ADGRV1: variants seen among roughly 807,000 people sequenced by gnomAD.
The protein encoded by ADGRV1 is G-protein coupled receptor 98.
A neutral mutation model predicts 596.2 loss-of-function variants in ADGRV1; 359 were observed. That is an observed-to-expected ratio of 0.60 (90% CI 0.55 to 0.66). ADGRV1 has a LOEUF of 0.66. ADGRV1 is among the 30% of genes least tolerant of loss of function. The probability of loss-of-function intolerance (pLI) is 0.00; values close to 1 mark genes in which losing one functional copy is unlikely to be tolerated. For missense variants in ADGRV1, 7,274 were observed against 7,575.6 expected (o/e 0.96, Z 1.48); for synonymous variants, 2,681 against 2,679.2 (o/e 1.00, Z -0.02).
intron 50 of ADGRV1, among the ~76,000 whole-genome samples, chr5:90,744,187 A>G (rs1580972553): frequency 1.3e-5 from 2 of 151,672 alleles, no homozygotes; most frequent in African/African-American, 4.8e-5. Flanking sequence ...GGCTCCCACT[A>G]TGTTGCCGGG....
At chr5:91,161,261 C>T (rs899309274) in intron 89 of ADGRV1, among the ~76,000 whole-genome samples, 3 of 152,188 alleles carry the variant, frequency 2.0e-5, no homozygotes, top group African/African-American at 7.2e-5. Context: ...ACACGGTTCT[C>T]CTGTTCCCAG....
chr5:90,843,642 A>G (rs544335807), intron 78 of ADGRV1, among the ~76,000 whole-genome samples: 189 of 152,326 alleles, frequency 1.2e-3, no homozygotes, highest in South Asian at 2.7e-3. Flanking sequence ...CAGAAGCCAC[A>G]AAGGAAATGA....
At chr5:91,111,943 AAGG>A (rs755174561) in intron 87 of ADGRV1, among the ~76,000 whole-genome samples, 5 of 152,190 alleles carry the variant, frequency 3.3e-5, no homozygotes, top group Non-Finnish European at 7.3e-5. Context: ...AAGCTGAGAC[AAGG>A]AGGTGTACTT....
chr5:91,149,019 A>G (rs914957073), intron 87 of ADGRV1, among the ~76,000 whole-genome samples: 1 of 152,200 alleles, frequency 6.6e-6, no homozygotes, highest in Non-Finnish European at 1.5e-5. Flanking sequence ...TATTTACCCA[A>G]TGTCTGTATC....
intron 1 of ADGRV1, among the ~76,000 whole-genome samples, chr5:90,568,224 C>A (rs1200574454): frequency 6.6e-6 from 1 of 151,508 alleles, no homozygotes; most frequent in Non-Finnish European, 1.5e-5. Context: ...TATTTGAGAT[C>A]TTTCCTTTTT....
intron 85 of ADGRV1, 115 bp from the exon 86 acceptor site, chr5:91,072,332 T>C (rs1437142990): frequency 1.1e-6 from 1 of 930,246 alleles, no homozygotes; most frequent in Non-Finnish European, 1.7e-6. Context: ...AAAAATCTGA[T>C]GTTGCCAGCA....
chr5:90,983,146 G>A (rs1024853185), intron 84 of ADGRV1, among the ~76,000 whole-genome samples: 1 of 151,828 alleles, frequency 6.6e-6, no homozygotes, highest in Non-Finnish European at 1.5e-5. Context: ...TTTATAATTG[G>A]CAAAAGCTTA....
At chr5:90,744,431 TTC>T (rs1208111241) in intron 50 of ADGRV1, among the ~76,000 whole-genome samples, 1 of 152,190 alleles carries the variant, frequency 6.6e-6, no homozygotes, top group Non-Finnish European at 1.5e-5. Context: ...ACATGAATAA[TTC>T]TGTCTCTACT....
rs1053590019 is a variant in ADGRV1 at position 90,689,980 on chromosome 5, C to A, written c.6610C>A (p.Gln2204Lys). The change falls in exon 30 of 90, where the codon CAA becomes AAA. Residue 2204 changes from glutamine (Q) to lysine (K), a missense_variant. By Grantham distance (53) the Gln-to-Lys change is moderately conservative. Transcript: ENST00000405460. Reference sequence around the variant, plus strand: ...TGAACTGGAAGAATCTTTTCTTGTGCAACTGATGAATGAAACAACAGGAGG... The same window carrying A: ...TGAACTGGAAGAATCTTTTCTTGTGAAACTGATGAATGAAACAACAGGAGG... ...YPELEESFLV[Q>K]LMNETTGGAR... 24 of 1,608,790 alleles carry A rather than the reference C, an allele frequency of 1.5e-5. No individual in the cohort carries two copies. Among genetic ancestry groups the A allele is most frequent in the Admixed American group, 3.4e-5 (2 of 59,274 alleles).
intron 84 of ADGRV1, among the ~76,000 whole-genome samples, chr5:90,968,110 T>A (rs1397075598): frequency 6.6e-6 from 1 of 152,196 alleles, no homozygotes; most frequent in African/African-American, 2.4e-5. Flanking sequence ...ATGTGATGGC[T>A]GTCTACAAAT....
rs182097470 is a variant in ADGRV1, at chr5:90,708,122, C to T, written c.8731-694C>T. On this transcript the variant is annotated intron_variant, in intron 38 of 89. Transcript: ENST00000405460. Reference sequence around the variant, plus strand: ...TTATATATGCATAAATATACATACACATTGTGTTTCTTTGTAAATATTGAT... The same window carrying T: ...TTATATATGCATAAATATACATACATATTGTGTTTCTTTGTAAATATTGAT... Among the ~76,000 whole-genome samples, 130 of 151,990 alleles carry T rather than the reference C, an allele frequency of 8.6e-4. 1 individual carries two copies. The East Asian group carries it at 0.024, about 29-fold the overall frequency.
chr5:90,877,388 G>C (rs1769317520), intron 83 of ADGRV1, among the ~76,000 whole-genome samples: 1 of 152,178 alleles, frequency 6.6e-6, no homozygotes, highest in African/African-American at 2.4e-5. Flanking sequence ...ACTGATGTAT[G>C]GAGGAGCAAC....
Position 90,763,425 on chromosome 5 carries a change from A to G in ADGRV1, c.12241A>G (p.Lys4081Glu), listed in dbSNP as rs1561680786. 1 of 1,613,800 alleles carries G rather than the reference A, an allele frequency of 6.2e-7. No individual in the cohort carries two copies. Among genetic ancestry groups the G allele is most frequent in the African/African-American group, 1.3e-5 (1 of 75,044 alleles). The change falls in exon 59 of 90, where the codon AAA becomes GAA. Residue 4081 changes from lysine (K) to glutamate (E), a missense_variant. Physicochemically the swap from Lys to Glu is moderately conservative, Grantham distance 56 (BLOSUM62 1). Coordinates refer to ENST00000405460, the MANE Select transcript of ADGRV1 (RefSeq NM_032119.4). Reference protein sequence around the residue: ...RLEWTIDEKAKHNLSPLNGTL... With the variant: ...RLEWTIDEKAEHNLSPLNGTL... ...TGAGTGGACCATAGATGAGAAGGCT[A>G]AACATAACCTTAGTCCTTTGAATGG...
At chr5:90,925,121 T>G (rs1488866651) in intron 83 of ADGRV1, among the ~76,000 whole-genome samples, 1 of 152,200 alleles carries the variant, frequency 6.6e-6, no homozygotes, top group East Asian at 1.9e-4. Context: ...CGGGCTCTTT[T>G]TTGGTTCCAT....
intron 87 of ADGRV1, among the ~76,000 whole-genome samples, chr5:91,135,117 T>G (rs2126814087): frequency 1.3e-5 from 2 of 149,194 alleles, no homozygotes; most frequent in East Asian, 2.0e-4. Context: ...AAGGAGAGGT[T>G]GCAGTGAACC....
At chr5:90,985,071 AG>A (rs1780375107) in intron 84 of ADGRV1, among the ~76,000 whole-genome samples, 1 of 152,256 alleles carries the variant, frequency 6.6e-6, no homozygotes, top group Admixed American at 6.5e-5. Flanking sequence ...TGTAACTGAG[AG>A]TAAATCAGAG....
chr5:91,109,349 A>G (rs1189554407), intron 87 of ADGRV1, among the ~76,000 whole-genome samples: 1 of 152,198 alleles, frequency 6.6e-6, no homozygotes, highest in East Asian at 1.9e-4. Context: ...TCCTAATTCC[A>G]GTAGCTACTA....
At position 90,853,688 on chromosome 5, in the gene ADGRV1, A is replaced by G. The variant is rs144293731; in HGVS notation, c.17454+155A>G. 2.8e-3 allele frequency among the ~76,000 whole-genome samples: 427 copies of G among 152,322 alleles called. No homozygotes were observed. Among genetic ancestry groups the G allele is most frequent in the African/African-American group, 9.9e-3 (410 of 41,584 alleles). On this transcript the variant is annotated intron_variant, in intron 80 of 89. Transcript: ENST00000405460. ...TCCATCTTTATGAACTATTTGTAGA[A>G]AGTTTAGTTTCTAAATGAGTTGGAA...
At chr5:91,014,136 C>CCACACACACA (rs70973720) in intron 85 of ADGRV1, among the ~76,000 whole-genome samples, 12 of 35,638 alleles carry the variant, frequency 3.4e-4, no homozygotes, top group African/African-American at 8.0e-4. Flanking sequence ...TTCACAATTG[C>CCACACACACA]CACACACACA....
Sources: gnomAD v4.1 joint callset for allele counts (sites outside exome capture counted in the v4.1 genomes callset) on GRCh38, gnomAD v4.1.1 for gene constraint, MANE v1.5 for transcripts, NCBI Gene and HGNC (gene_info 2026-07-23, HGNC 2026-07-21) for gene names.